Variants in EPHB2 observed in about 807,000 individuals in gnomAD.
EPHB2 encodes the protein EPH receptor B2, also known as ephrin type-B receptor 2.
EPHB2 carries 18 observed loss-of-function variants against 96.4 expected under a neutral mutation model. The observed-to-expected ratio is 0.19, with a 90% CI of 0.13 to 0.28. EPHB2 has a LOEUF of 0.28. Ranked by LOEUF, EPHB2 falls within the 10% of genes least tolerant of loss-of-function variation. The probability of loss-of-function intolerance (pLI) is 1.00; values close to 1 mark genes in which losing one functional copy is unlikely to be tolerated. For missense variants in EPHB2, 989 were observed against 1,355.4 expected, an observed-to-expected ratio of 0.73 and a Z score of 4.25; for synonymous variants, 506 against 534.1, an observed-to-expected ratio of 0.95 and a Z score of 0.72.
At chr1:22,780,277 CT>C (rs1163367797) in intron 1 of EPHB2, among the ~76,000 whole-genome samples, 1 of 152,184 alleles carries the variant, frequency 6.6e-6, no homozygotes, top group Non-Finnish European at 1.5e-5. Flanking sequence ...CTTCTTCCCC[CT>C]AGGCCACATG....
At chr1:22,839,880 C>T (rs1012143733) in intron 3 of EPHB2, among the ~76,000 whole-genome samples, 1 of 152,104 alleles carries the variant, frequency 6.6e-6, no homozygotes, top group African/African-American at 2.4e-5. Context: ...ACTGAACTCA[C>T]CTATCGTACC....
At chr1:22,762,326 A>G (rs1644246503) in intron 1 of EPHB2, among the ~76,000 whole-genome samples, 1 of 152,172 alleles carries the variant, frequency 6.6e-6, no homozygotes, top group South Asian at 2.1e-4. Flanking sequence ...TCCACTCCTT[A>G]GGGCTGCAGG....
intron 5 of EPHB2, among the ~76,000 whole-genome samples, chr1:22,876,949 G>T (rs143209488): frequency 0.015 from 2,336 of 152,330 alleles, 67 homozygotes; most frequent in African/African-American, 0.053. Context: ...ACGCCTGCCA[G>T]GCCCAGACCC....
At chr1:22,737,721 G>T (rs534740490) in intron 1 of EPHB2, among the ~76,000 whole-genome samples, 3 of 152,108 alleles carry the variant, frequency 2.0e-5, no homozygotes, top group African/African-American at 7.2e-5. Flanking sequence ...CTTATTCATC[G>T]TTGGGCCTCC....
intron 5 of EPHB2, 23 bp downstream of exon 5, chr1:22,865,235 A>G (rs745350640): frequency 3.1e-6 from 5 of 1,613,850 alleles, no homozygotes; most frequent in Admixed American, 3.3e-5. Context: ...GACGTGGGCC[A>G]GGGGAGTGCC....
intron 1 of EPHB2, among the ~76,000 whole-genome samples, chr1:22,715,659 A>G (rs1391066758): frequency 2.6e-5 from 4 of 152,210 alleles, no homozygotes; most frequent in African/African-American, 9.7e-5. Flanking sequence ...TTATTCACTC[A>G]TTCATTTCTC....
chr1:22,873,494 C>T (rs144593305), intron 5 of EPHB2, among the ~76,000 whole-genome samples: 3 of 152,300 alleles, frequency 2.0e-5, no homozygotes, highest in East Asian at 1.9e-4. Flanking sequence ...CCACAAGACA[C>T]GTGGCCAAGC....
At chr1:22,805,356 C>G (rs528251254) in intron 3 of EPHB2, among the ~76,000 whole-genome samples, 1 of 152,258 alleles carries the variant, frequency 6.6e-6, no homozygotes, top group African/African-American at 2.4e-5. Context: ...ATAAATTAAA[C>G]GAGGGGCTGC....
intron 3 of EPHB2, among the ~76,000 whole-genome samples, chr1:22,825,440 C>A (rs1257336793): frequency 6.6e-6 from 1 of 152,042 alleles, no homozygotes; most frequent in African/African-American, 2.4e-5. Flanking sequence ...GAGCCTAGAT[C>A]AGGGGGTGAG....
At chr1:22,903,271 C>T (rs1639806930) in intron 9 of EPHB2, among the ~76,000 whole-genome samples, 1 of 152,236 alleles carries the variant, frequency 6.6e-6, no homozygotes, top group Non-Finnish European at 1.5e-5. Context: ...CCTCTATCCC[C>T]ATCAGAAAGG....
chr1:22,789,301 A>G (rs1032686043), intron 3 of EPHB2, among the ~76,000 whole-genome samples: 3 of 152,232 alleles, frequency 2.0e-5, no homozygotes, highest in African/African-American at 7.2e-5. Flanking sequence ...TAATAGGAAA[A>G]CATCCATTGC....
Position 22,914,009 on chromosome 1 carries a change from C to G in EPHB2, c.*439C>G. On this transcript the variant is annotated 3_prime_UTR_variant, in exon 16 of 16. Coordinates refer to ENST00000374630, the MANE Select transcript of EPHB2 (RefSeq NM_017449.5). ...AAATGTGAAGGGGAGAGACAGGGGC[C>G]GCCCTTGGCTCCTGTCCCTGCTGCT... is the stretch of plus-strand genomic sequence containing the variant. The G allele has an allele frequency of 2.5e-6, 3 of 1,191,380 alleles. No individual in the cohort carries two copies. Among genetic ancestry groups the G allele is most frequent in the Non-Finnish European group, 3.4e-6 (3 of 870,912 alleles). 73.8% of individuals were successfully genotyped at this position (1,191,380 alleles called of 1,614,324 possible).
intron 1 of EPHB2, among the ~76,000 whole-genome samples, chr1:22,776,290 T>G (rs1644452093): frequency 6.6e-6 from 1 of 152,222 alleles, no homozygotes; most frequent in African/African-American, 2.4e-5. Flanking sequence ...TCACCCAGTC[T>G]TTAAGCCTCC....
intron 1 of EPHB2, among the ~76,000 whole-genome samples, chr1:22,748,698 A>G: frequency 6.6e-6 from 1 of 151,308 alleles, no homozygotes; most frequent in Middle Eastern, 3.5e-3. Context: ...TCTTTTTACA[A>G]AAATTTGATT....
Position 22,912,471 on chromosome 1 carries a change from G to A in EPHB2, c.2724G>A (p.Thr908=), listed in dbSNP as rs755862003. 11 of 1,613,874 alleles carry A rather than the reference G, an allele frequency of 6.8e-6. No individual in the cohort carries two copies. The highest frequency in any genetic ancestry group is 6.7e-5 in the East Asian group (3 of 44,866). ...SGINLPLLDR[T]IPDYTSFNTV... ...TCAACCTGCCGCTGCTGGACCGCAC[G>A]ATCCCCGACTACACCAGCTTTAACA... The change falls in exon 15 of 16, where the codon ACG becomes ACA. Residue 908 remains threonine (T), a synonymous_variant. Coordinates refer to ENST00000374630, the MANE Select transcript of EPHB2 (RefSeq NM_017449.5).
chr1:22,866,428 C>G (rs181053059), intron 5 of EPHB2, among the ~76,000 whole-genome samples: 4 of 152,128 alleles, frequency 2.6e-5, no homozygotes, highest in Admixed American at 2.6e-4. Context: ...GTTTGAAGGA[C>G]CAGTCGAAAT....
chr1:22,849,906 A>G (rs1645600321), intron 3 of EPHB2, among the ~76,000 whole-genome samples: 1 of 152,200 alleles, frequency 6.6e-6, no homozygotes, highest in African/African-American at 2.4e-5. Flanking sequence ...GGGCCCGGGT[A>G]AAGGGGCCCT....
intron 13 of EPHB2, among the ~76,000 whole-genome samples, chr1:22,909,691 G>C (rs533054617): frequency 3.9e-5 from 6 of 152,172 alleles, no homozygotes; most frequent in Non-Finnish European, 8.8e-5. Flanking sequence ...GTGTGCAAAG[G>C]CTGGGGTTGG....
chr1:22,800,771 GACAC>G (rs71666873), intron 3 of EPHB2, among the ~76,000 whole-genome samples: 162 of 148,012 alleles, frequency 1.1e-3, no homozygotes, highest in Admixed American at 1.3e-3. Context: ...GTGTGTATGT[GACAC>G]ACACACACAC....
Sources: allele counts gnomAD v4.1 joint callset (sites outside exome capture counted in the v4.1 genomes callset), GRCh38; gene constraint gnomAD v4.1.1; transcripts MANE v1.5; gene names NCBI Gene and HGNC (gene_info 2026-07-23, HGNC 2026-07-21).